ATF2: variants seen among roughly 807,000 people sequenced by gnomAD.
The protein encoded by ATF2 is activating transcription factor 2.
Under a neutral mutation model 60.6 loss-of-function variants are expected in ATF2, and 24 were observed. That is an observed-to-expected ratio of 0.40 (90% CI 0.29 to 0.56). ATF2 has a LOEUF of 0.56. Ranked by LOEUF, ATF2 falls within the 20% of genes least tolerant of loss-of-function variation. The pLI is 0.54. For synonymous variants in ATF2, 206 were observed against 215.4 expected (o/e 0.96, Z 0.38); for missense variants, 433 against 607.7 (o/e 0.71, Z 3.02).
chr2:175,108,742 A>G (rs1695943698), intron 10 of ATF2, among the ~76,000 whole-genome samples: 1 of 152,132 alleles, frequency 6.6e-6, no homozygotes, highest in South Asian at 2.1e-4. Flanking sequence ...AAAAGGGGGA[A>G]AGGTGGGGAA....
At chr2:175,110,053 C>T (rs1011873912) in intron 10 of ATF2, among the ~76,000 whole-genome samples, 6 of 152,126 alleles carry the variant, frequency 3.9e-5, no homozygotes, top group Middle Eastern at 3.2e-3. Context: ...AAAAATTTTT[C>T]AGGCCGGGTG....
intron 2 of ATF2, among the ~76,000 whole-genome samples, chr2:175,145,072 T>C (rs371895100): frequency 7.9e-5 from 12 of 152,350 alleles, no homozygotes; most frequent in Admixed American, 2.0e-4. Flanking sequence ...TGGTAACTTA[T>C]GGCTCTCAAC....
At chr2:175,141,684 G>T (rs967724972) in intron 2 of ATF2, among the ~76,000 whole-genome samples, 2 of 151,730 alleles carry the variant, frequency 1.3e-5, no homozygotes, top group African/African-American at 4.8e-5. Context: ...TAGTAGAGAC[G>T]GGGTTTCACC....
chr2:175,109,615 ATTAAT>A (rs1334322841), intron 10 of ATF2, among the ~76,000 whole-genome samples: 16 of 152,212 alleles, frequency 1.1e-4, no homozygotes, highest in Non-Finnish European at 2.1e-4. Context: ...TTCCTTTTGA[ATTAAT>A]TTATAGAAAA....
intron 4 of ATF2, among the ~76,000 whole-genome samples, chr2:175,128,055 T>C (rs546850326): frequency 6.6e-6 from 1 of 151,800 alleles, no homozygotes; most frequent in East Asian, 1.9e-4. Context: ...GTTGACAGAG[T>C]GATGAATGGA....
intron 10 of ATF2, 86 bp from the exon 11 acceptor site, chr2:175,097,679 T>C (rs1695026052): frequency 1.0e-5 from 15 of 1,457,476 alleles, no homozygotes; most frequent in Non-Finnish European, 1.3e-5. Context: ...GCACCTTGGG[T>C]AGTTTCCCTG....
intron 2 of ATF2, among the ~76,000 whole-genome samples, chr2:175,142,968 TC>T (rs1698694532): frequency 6.6e-6 from 1 of 152,022 alleles, no homozygotes; most frequent in Non-Finnish European, 1.5e-5. Flanking sequence ...CGCCTCAGCT[TC>T]CTAAGTAAGT....
At chr2:175,160,477 T>C (rs911028302) in intron 1 of ATF2, among the ~76,000 whole-genome samples, 3 of 152,172 alleles carry the variant, frequency 2.0e-5, no homozygotes, top group African/African-American at 7.2e-5. Context: ...TATGTCAAAA[T>C]TCAAGTAAGT....
intron 12 of ATF2, among the ~76,000 whole-genome samples, chr2:175,084,777 G>A (rs960899131): frequency 5.3e-5 from 8 of 151,780 alleles, no homozygotes; most frequent in African/African-American, 1.9e-4. Context: ...ACACTGGATT[G>A]TAACTTTTGG....
At chr2:175,080,565 A>C (rs2105537336) in intron 13 of ATF2, 95 bp downstream of exon 13, 2 of 873,026 alleles carry the variant, frequency 2.3e-6, no homozygotes, top group Non-Finnish European at 3.5e-6. Context: ...TGAATATTAG[A>C]AGCACAGTCT....
chr2:175,077,286 G>C (rs573347620), intron 13 of ATF2, among the ~76,000 whole-genome samples: 1 of 152,244 alleles, frequency 6.6e-6, no homozygotes, highest in African/African-American at 2.4e-5. Flanking sequence ...ATAGCAGCAT[G>C]ATTTATAATC....
At chr2:175,156,668 A>C (rs969674365) in intron 1 of ATF2, among the ~76,000 whole-genome samples, 1 of 152,132 alleles carries the variant, frequency 6.6e-6, no homozygotes, top group Non-Finnish European at 1.5e-5. Context: ...AGACCTACTG[A>C]ATTCAGCCAA....
At chr2:175,076,541 T>A (rs1363401567) in intron 13 of ATF2, among the ~76,000 whole-genome samples, 1 of 152,118 alleles carries the variant, frequency 6.6e-6, no homozygotes, top group East Asian at 1.9e-4. Flanking sequence ...AGGTCGTTTC[T>A]CAACTAGTGC....
intron 13 of ATF2, among the ~76,000 whole-genome samples, chr2:175,078,813 C>T (rs761550895): frequency 3.3e-5 from 5 of 152,132 alleles, no homozygotes; most frequent in Non-Finnish European, 2.9e-5. Flanking sequence ...TACTACACAA[C>T]AGAGAAGTCA....
rs1035616336 is a variant in ATF2 at position 175,114,728 on chromosome 2, A to T, written c.588T>A (p.Thr196=). ...QQAVPSPTSS[T]VITQAPSSNR... ...TAGAGGATGGTGCCTGGGTGATTAC[A>T]GTACTTGAGGTTGGTGAAGGTACTG... The change falls in exon 8 of 14, where the codon ACT becomes ACA. Residue 196 remains threonine, a synonymous_variant. Coordinates refer to ENST00000264110, the MANE Select transcript of ATF2 (RefSeq NM_001880.4). 1 of 1,613,920 alleles carries T rather than the reference A, an allele frequency of 6.2e-7. No homozygotes were observed. Among genetic ancestry groups the T allele is most frequent in the Non-Finnish European group, 8.5e-7 (1 of 1,179,914 alleles).
At chr2:175,145,964 T>G (rs942626147) in intron 2 of ATF2, among the ~76,000 whole-genome samples, 2 of 152,186 alleles carry the variant, frequency 1.3e-5, no homozygotes, top group Admixed American at 1.3e-4. Context: ...CCTATACAGC[T>G]TAATTACTAA....
In ATF2 at chr2:175,074,814, G is replaced by C; in HGVS notation, c.1313C>G (p.Ser438Ter). The stretch of plus-strand genomic sequence containing the variant: ...ACTACTCGGCACTGAAATGTCTTCT[G>C]AACTATCATCTTTATCAGCAGCTGG... Reference protein sequence around the residue: ...GYHTADKDDSSEDISVPSSPH... With the variant: ...GYHTADKDDS The change falls in exon 14 of 14, where the codon TCA (serine) becomes TGA (stop). Residue 438 changes from serine (S) to a stop codon, truncating the protein, a stop_gained. Coordinates refer to ENST00000264110, the MANE Select transcript of ATF2 (RefSeq NM_001880.4). LOFTEE classifies it high-confidence loss of function. 1 of 1,613,372 alleles carries C rather than the reference G, an allele frequency of 6.2e-7. No individual in the cohort carries two copies. The highest frequency in any genetic ancestry group is 8.5e-7 in the Non-Finnish European group (1 of 1,179,598).
intron 1 of ATF2, among the ~76,000 whole-genome samples, chr2:175,165,999 C>A (rs1203270148): frequency 6.6e-6 from 1 of 152,004 alleles, no homozygotes; most frequent in Non-Finnish European, 1.5e-5. Context: ...AAACAAAAAA[C>A]GCCAAAGAAA....
chr2:175,114,171 T>C, intron 8 of ATF2, 63 bp from the exon 9 acceptor site: 1 of 1,510,460 alleles, frequency 6.6e-7, no homozygotes, highest in Non-Finnish European at 8.9e-7. Context: ...CTCTTAAAAA[T>C]ACAATAGTAT....
Sources: gnomAD v4.1 joint callset for allele counts (sites outside exome capture counted in the v4.1 genomes callset) on GRCh38, gnomAD v4.1.1 for gene constraint, MANE v1.5 for transcripts, NCBI Gene and HGNC (gene_info 2026-07-23, HGNC 2026-07-21) for gene names.